The following UNC13B variants were observed in gnomAD, a reference collection of about 807,000 sequenced individuals.
The protein encoded by UNC13B is unc-13 homolog B.
UNC13B carries 144 observed loss-of-function variants against 211.0 expected under a neutral mutation model. That is an observed-to-expected ratio of 0.68 (90% CI 0.60 to 0.78). The LOEUF (loss-of-function observed/expected upper bound fraction) is 0.78, where lower values mean the gene tolerates loss of function less well. UNC13B is among the 30% of genes least tolerant of loss of function. UNC13B has a pLI of 0.00. For synonymous variants in UNC13B, 709 were observed against 725.8 expected, an observed-to-expected ratio of 0.98 and a Z score of 0.37; for missense variants, 1,777 against 2,002.0, an observed-to-expected ratio of 0.89 and a Z score of 2.14.
chr9:35,213,730 C>A (rs994877161), intron 1 of UNC13B, among the ~76,000 whole-genome samples: 3 of 152,180 alleles, frequency 2.0e-5, no homozygotes, highest in Middle Eastern at 6.8e-3. Flanking sequence ...AGTCTGAGTT[C>A]TGGGTGGATG....
chr9:35,374,738 C>T (rs77528431), intron 13 of UNC13B, among the ~76,000 whole-genome samples: 2 of 152,294 alleles, frequency 1.3e-5, no homozygotes, highest in East Asian at 3.9e-4. Context: ...GAATGTGACT[C>T]TGACAGAGTT....
Position 35,317,447 on chromosome 9 carries a change from G to A in UNC13B, c.9414+3458G>A, listed in dbSNP as rs185760883. ...TGAACTTCTGAACTTCTGAGCTCAA[G>A]CGATCCTCCTATCTCAGCCTCCTAA... is the stretch of plus-strand genomic sequence containing the variant. On this transcript the variant is annotated intron_variant, in intron 11 of 39. Transcript: ENST00000635942. Among the ~76,000 whole-genome samples the A allele has an allele frequency of 8.6e-5, 13 of 151,214 alleles. No individual in the cohort carries two copies. In the East Asian group the frequency reaches 2.5e-3, roughly 29 times the overall value.
intron 1 of UNC13B, among the ~76,000 whole-genome samples, chr9:35,182,697 G>A (rs912291887): frequency 1.3e-5 from 2 of 152,072 alleles, no homozygotes; most frequent in Non-Finnish European, 2.9e-5. Flanking sequence ...CTGCCTTCAA[G>A]CATCTGTTTA....
At chr9:35,230,985 G>A in intron 2 of UNC13B, 135 bp from the exon 3 acceptor site, 1 of 565,660 alleles carries the variant, frequency 1.8e-6, no homozygotes, top group East Asian at 2.9e-5. Context: ...ATGAGGCTAT[G>A]TTGTACAATA....
intron 9 of UNC13B, among the ~76,000 whole-genome samples, chr9:35,309,749 A>G (rs1830096149): frequency 6.6e-6 from 1 of 152,236 alleles, no homozygotes; most frequent in Admixed American, 6.5e-5. Context: ...CACTCTTTCC[A>G]AAACTGAGCC....
At chr9:35,319,676 T>A (rs1402614095) in intron 11 of UNC13B, among the ~76,000 whole-genome samples, 1 of 151,990 alleles carries the variant, frequency 6.6e-6, no homozygotes. Context: ...ATTTTATTTT[T>A]TTGAGATGGG....
At chr9:35,275,486 A>C (rs868542593) in intron 7 of UNC13B, among the ~76,000 whole-genome samples, 1 of 152,152 alleles carries the variant, frequency 6.6e-6, no homozygotes, top group Middle Eastern at 3.4e-3. Context: ...CATCGTTAGC[A>C]TTTTCTTGTG....
chr9:35,222,532 A>C (rs937845623), intron 1 of UNC13B, among the ~76,000 whole-genome samples: 1 of 152,206 alleles, frequency 6.6e-6, no homozygotes, highest in South Asian at 2.1e-4. Flanking sequence ...AAGATGGTTC[A>C]TGCTTGTATA....
At position 35,214,058 on chromosome 9, in the gene UNC13B, A is replaced by C. The variant is rs371142169; in HGVS notation, c.23-13957A>C. On this transcript the variant is annotated intron_variant, in intron 1 of 39. Coordinates refer to ENST00000635942, the MANE Select transcript of UNC13B (RefSeq NM_001371189.2). ...TTCATTAACTGGTGATAGCAGACTG[A>C]GTATAAATCAAAATGAGTATGAAAT... Among the ~76,000 whole-genome samples, 117 of 152,330 alleles carry C rather than the reference A, an allele frequency of 7.7e-4. 2 individuals carry two copies. The South Asian group carries it at 0.019, about 25-fold the overall frequency.
At chr9:35,269,138 G>C (rs1481211098) in intron 7 of UNC13B, among the ~76,000 whole-genome samples, 2 of 152,132 alleles carry the variant, frequency 1.3e-5, no homozygotes, top group Non-Finnish European at 2.9e-5. Context: ...CCACTTTAGA[G>C]ACCAATCATA....
chr9:35,279,464 T>A (rs561368617), intron 7 of UNC13B, among the ~76,000 whole-genome samples: 7 of 152,312 alleles, frequency 4.6e-5, no homozygotes, highest in Admixed American at 1.3e-4. Flanking sequence ...TGTTTTTTTT[T>A]AAACCACTTT....
intron 7 of UNC13B, among the ~76,000 whole-genome samples, chr9:35,270,829 C>T (rs1262253362): frequency 6.6e-6 from 1 of 151,908 alleles, no homozygotes; most frequent in Non-Finnish European, 1.5e-5. Context: ...TTCCAGTTGT[C>T]CTAAGACCAT....
chr9:35,207,173 A>G (rs558774628), intron 1 of UNC13B, among the ~76,000 whole-genome samples: 19 of 152,288 alleles, frequency 1.2e-4, no homozygotes, highest in South Asian at 4.1e-4. Flanking sequence ...TGGGTGTGAA[A>G]TGATATCTTA....
chr9:35,380,458 A>T lies in UNC13B; in HGVS notation c.10206-12A>T. Reference sequence around the variant, plus strand: ...GTCTGCCCCTAACAGAGCCTGCCTAATTCTCTCACAGTGAGTGCCACAACT... The same window carrying T: ...GTCTGCCCCTAACAGAGCCTGCCTATTTCTCTCACAGTGAGTGCCACAACT... On this transcript the variant is annotated splice_polypyrimidine_tract_variant and intron_variant, in intron 17 of 39. Transcript: ENST00000635942. The T allele has an allele frequency of 6.2e-7, 1 of 1,613,136 alleles. No homozygotes were observed. The highest frequency in any genetic ancestry group is 8.5e-7 in the Non-Finnish European group (1 of 1,179,254).
intron 1 of UNC13B, among the ~76,000 whole-genome samples, chr9:35,185,571 C>T (rs920341702): frequency 2.0e-5 from 3 of 152,130 alleles, no homozygotes; most frequent in East Asian, 1.9e-4. Flanking sequence ...CTTGCTACAG[C>T]TTTTCTCAAA....
rs186471968 is a variant in UNC13B at position 35,217,153 on chromosome 9, C to T, written c.23-10862C>T. Among the ~76,000 whole-genome samples, 308 of 152,234 alleles carry T rather than the reference C, an allele frequency of 2.0e-3. 1 individual carries two copies. The highest frequency in any genetic ancestry group is 5.8e-3 in the African/African-American group (239 of 41,544). On this transcript the variant is annotated intron_variant, in intron 1 of 39. Coordinates refer to ENST00000635942, the MANE Select transcript of UNC13B (RefSeq NM_001371189.2). ...ATAGCACAGAACTACGCACACACAT[C>T]AGGTTTTTTCTTTTTGATATTGTAC...
In UNC13B at chr9:35,295,709, T is replaced by C. The variant is rs1363745449; in HGVS notation, c.540T>C (p.Pro180=). 1.2e-6 allele frequency: 2 copies of C among 1,614,134 alleles called. No individual in the cohort carries two copies. The highest frequency in any genetic ancestry group is 1.7e-6 in the Non-Finnish European group (2 of 1,180,008). Residue 180 remains proline, a synonymous_variant, in exon 8 of 40, where the codon CCT becomes CCC. Coordinates refer to ENST00000635942, the MANE Select transcript of UNC13B (RefSeq NM_001371189.2). ...CTTATTCCATAGCTTTTGAAGACCC[T>C]GATAGTGCCGTCGATGACCGAGATA... ...TAAAQCSFED[P]DSAVDDRDSD... is the part of the protein sequence containing the mutation.
chr9:35,376,337 A>G, intron 15 of UNC13B, 90 bp downstream of exon 15: 2 of 1,305,470 alleles, frequency 1.5e-6, no homozygotes, highest in East Asian at 2.4e-5. Flanking sequence ...GGCTGAACCA[A>G]TCATTCCCCC....
chr9:35,337,720 A>G (rs1304046072), intron 11 of UNC13B, among the ~76,000 whole-genome samples: 2 of 152,264 alleles, frequency 1.3e-5, no homozygotes, highest in East Asian at 3.8e-4. Context: ...GAATGTGAAG[A>G]CACTTGAAAC....
Sources: gnomAD v4.1 joint callset for allele counts (sites outside exome capture counted in the v4.1 genomes callset) on GRCh38, gnomAD v4.1.1 for gene constraint, MANE v1.5 for transcripts, NCBI Gene and HGNC (gene_info 2026-07-23, HGNC 2026-07-21) for gene names.